Variants in CHN2 observed in about 807,000 individuals in gnomAD.
The protein encoded by CHN2 is chimerin 2.
CHN2 carries 35 observed loss-of-function variants against 56.3 expected under a neutral mutation model. The ratio of observed to expected loss-of-function variants is 0.62; its 90% CI spans 0.47 to 0.82. The LOEUF (loss-of-function observed/expected upper bound fraction) is 0.82. Among genes scored for constraint, CHN2 ranks in the 40% least tolerant of loss-of-function variants. The pLI, the probability that CHN2 is intolerant of heterozygous loss-of-function variation, is 0.00. For synonymous variants in CHN2, 210 were observed against 212.8 expected, an observed-to-expected ratio of 0.99 and a Z score of 0.12; for missense variants, 491 against 580.5, an observed-to-expected ratio of 0.85 and a Z score of 1.58.
rs368446497 is a variant in CHN2, at chr7:29,167,340, C to T, written c.274+20380C>T. On this transcript the variant is annotated intron_variant, in intron 2 of 6. Coordinates refer to the CHN2 transcript ENST00000439384. ...CCAGATGAACATGTATCTGTTCATTCATATTCTATCCTAAATGGTATTTCA... is the reference window on the plus strand; with the variant it reads ...CCAGATGAACATGTATCTGTTCATTTATATTCTATCCTAAATGGTATTTCA... Among the ~76,000 whole-genome samples, 14 of 152,244 alleles carry T rather than the reference C, an allele frequency of 9.2e-5. No individual in the cohort carries two copies. In the East Asian group the frequency reaches 1.2e-3, roughly 13 times the overall value.
At chr7:29,155,924 C>G (rs1043687340) in intron 2 of CHN2, among the ~76,000 whole-genome samples, 2 of 152,182 alleles carry the variant, frequency 1.3e-5, no homozygotes, top group African/African-American at 4.8e-5. Context: ...GGCCCTGAGC[C>G]GATAGATCTA....
intron 6 of CHN2, 72 bp from the exon 7 acceptor site, chr7:29,480,207 G>A (rs1171559757): frequency 1.2e-6 from 2 of 1,613,648 alleles, no homozygotes; most frequent in African/African-American, 1.3e-5. Flanking sequence ...GCTGGCCGTA[G>A]CCTTCGGGGT....
chr7:29,388,480 ACATATTTATT>A (rs1801108967), intron 3 of CHN2, among the ~76,000 whole-genome samples: 1 of 74,116 alleles, frequency 1.3e-5, no homozygotes, highest in African/African-American at 4.3e-5. Context: ...AGCATATTAC[ACATATTTATT>A]CATTTACTCT....
intron 6 of CHN2, among the ~76,000 whole-genome samples, chr7:29,439,423 G>A (rs898826311): frequency 5.3e-5 from 8 of 152,136 alleles, no homozygotes; most frequent in Non-Finnish European, 1.5e-5. Context: ...CCTTAGAATG[G>A]CTTTGCATGT....
intron 1 of CHN2, among the ~76,000 whole-genome samples, chr7:29,269,113 TGTTA>T (rs1443907269): frequency 6.6e-6 from 1 of 152,174 alleles, no homozygotes; most frequent in African/African-American, 2.4e-5. Flanking sequence ...AATAAATTAT[TGTTA>T]GTTATAGTCA....
At chr7:29,265,424 G>T (rs776933707) in intron 1 of CHN2, among the ~76,000 whole-genome samples, 1 of 152,166 alleles carries the variant, frequency 6.6e-6, no homozygotes, top group Non-Finnish European at 1.5e-5. Flanking sequence ...TGGAAACCTC[G>T]TGCTCTTTTG....
chr7:29,199,616 G>T (rs1396136734), intron 1 of CHN2: 1 of 152,156 alleles, frequency 6.6e-6, no homozygotes, highest in African/African-American at 2.4e-5. Flanking sequence ...CTCAGATGAG[G>T]AGTACTAGTC....
intron 3 of CHN2, among the ~76,000 whole-genome samples, chr7:29,375,194 T>C (rs1799968335): frequency 1.3e-5 from 1 of 75,956 alleles, no homozygotes; most frequent in African/African-American, 6.0e-5. Context: ...TCGGCCCTTT[T>C]TTTTTTTTTT....
chr7:29,441,039 G>T (rs930223103), intron 6 of CHN2, among the ~76,000 whole-genome samples: 1 of 152,006 alleles, frequency 6.6e-6, no homozygotes, highest in Non-Finnish European at 1.5e-5. Flanking sequence ...CCTAATATTT[G>T]ATATTTTCTA....
intron 1 of CHN2, among the ~76,000 whole-genome samples, chr7:29,343,097 A>G (rs1203946175): frequency 6.6e-6 from 1 of 152,226 alleles, no homozygotes; most frequent in African/African-American, 2.4e-5. Flanking sequence ...GTAAAGAGGC[A>G]GGGAGCTACT....
At chr7:29,496,759 A>G (rs185402234) in intron 8 of CHN2, among the ~76,000 whole-genome samples, 354 of 152,322 alleles carry the variant, frequency 2.3e-3, no homozygotes, top group Middle Eastern at 3.4e-3. Flanking sequence ...ACATCTTATT[A>G]AGGTACATCT....
At chr7:29,263,969 G>C (rs572421926) in intron 1 of CHN2, among the ~76,000 whole-genome samples, 13 of 118,216 alleles carry the variant, frequency 1.1e-4, no homozygotes, top group African/African-American at 4.4e-4. Flanking sequence ...CGTCTGGGAG[G>C]TGGGGGGGCA....
At chr7:29,434,333 C>A (rs567616754) in intron 6 of CHN2, among the ~76,000 whole-genome samples, 8 of 152,112 alleles carry the variant, frequency 5.3e-5, no homozygotes, top group Non-Finnish European at 1.0e-4. Context: ...TTTCATCAGG[C>A]TGCTATAGCA....
At chr7:29,297,297 G>A (rs1243258638) in intron 1 of CHN2, among the ~76,000 whole-genome samples, 1 of 152,150 alleles carries the variant, frequency 6.6e-6, no homozygotes, top group Non-Finnish European at 1.5e-5. Flanking sequence ...GTGTTCTGGG[G>A]ACCCCTTTAC....
At chr7:29,441,517 C>T (rs565002062) in intron 6 of CHN2, among the ~76,000 whole-genome samples, 78 of 152,196 alleles carry the variant, frequency 5.1e-4, no homozygotes, top group African/African-American at 1.8e-3. Context: ...AGAAAGTGAA[C>T]AGAGAACCTA....
At chr7:29,202,954 A>G (rs1439322178) in intron 1 of CHN2, among the ~76,000 whole-genome samples, 1 of 152,140 alleles carries the variant, frequency 6.6e-6, no homozygotes, top group Non-Finnish European at 1.5e-5. Flanking sequence ...GGGGTGTGCC[A>G]TTGACCTCTA....
At chr7:29,153,655 C>T (rs4509208) in intron 2 of CHN2, among the ~76,000 whole-genome samples, 50,776 of 151,750 alleles carry the variant, frequency 0.33, 8,659 homozygotes, top group Non-Finnish European at 0.38. Context: ...CTGCAACCTC[C>T]GCCTCCCAGG....
At chr7:29,377,317 C>T (rs1800149060) in intron 3 of CHN2, among the ~76,000 whole-genome samples, 1 of 152,240 alleles carries the variant, frequency 6.6e-6, no homozygotes, top group African/African-American at 2.4e-5. Context: ...AGCGACCACG[C>T]CCCGCCTCAA....
At chr7:29,230,279 TA>T (rs1175505285) in intron 1 of CHN2, among the ~76,000 whole-genome samples, 5 of 152,236 alleles carry the variant, frequency 3.3e-5, no homozygotes, top group Non-Finnish European at 5.9e-5. Flanking sequence ...ATTGTCTTAC[TA>T]AACAAAAATT....
Sources: allele counts gnomAD v4.1 joint callset (sites outside exome capture counted in the v4.1 genomes callset), GRCh38; gene constraint gnomAD v4.1.1; transcripts MANE v1.5; gene names NCBI Gene and HGNC (gene_info 2026-07-23, HGNC 2026-07-21).